PHF21B: variants seen among roughly 807,000 people sequenced by gnomAD.
PHF21B encodes the protein PHD finger protein 4.
A neutral mutation model predicts 62.2 loss-of-function variants in PHF21B; 22 were observed. The ratio of observed to expected loss-of-function variants is 0.35; its 90% CI spans 0.25 to 0.51. PHF21B has a LOEUF of 0.51. Ranked by LOEUF, PHF21B falls within the 20% of genes least tolerant of loss-of-function variation. PHF21B has a pLI of 0.97. For synonymous variants in PHF21B, 341 were observed against 314.7 expected, an observed-to-expected ratio of 1.08 and a Z score of -0.88; for missense variants, 701 against 707.9, an observed-to-expected ratio of 0.99 and a Z score of 0.11.
At chr22:44,888,360 GCAC>G in intron 9 of PHF21B, among the ~76,000 whole-genome samples, 1 of 152,212 alleles carries the variant, frequency 6.6e-6, no homozygotes, top group African/African-American at 2.4e-5. Context: ...AGGGGCTGGG[GCAC>G]TGAGCATTGG....
At chr22:44,952,888 T>C (rs1381017263) in intron 2 of PHF21B, among the ~76,000 whole-genome samples, 2 of 152,186 alleles carry the variant, frequency 1.3e-5, no homozygotes, top group Admixed American at 6.5e-5. Context: ...ATTCAGCCCC[T>C]GTGTCGGGCA....
chr22:44,920,511 A>G (rs781112571), intron 2 of PHF21B, 21 bp from the exon 3 acceptor site: 6 of 1,584,308 alleles, frequency 3.8e-6, no homozygotes, highest in Non-Finnish European at 4.3e-6. Flanking sequence ...CAGGAGGGCA[A>G]CGCTGAGACA....
chr22:44,902,760 T>C (rs1601582766), intron 5 of PHF21B, among the ~76,000 whole-genome samples: 2 of 152,236 alleles, frequency 1.3e-5, no homozygotes, highest in East Asian at 3.8e-4. Flanking sequence ...TCAATTTTTT[T>C]TTCCTAGTAT....
chr22:44,942,295 G>A (rs926180100), intron 2 of PHF21B, among the ~76,000 whole-genome samples: 1 of 152,198 alleles, frequency 6.6e-6, no homozygotes, highest in Non-Finnish European at 1.5e-5. Flanking sequence ...CTGGAGGGCA[G>A]CCGATGGGCT....
intron 2 of PHF21B, among the ~76,000 whole-genome samples, chr22:44,939,637 C>T (rs2071916991): frequency 1.3e-5 from 2 of 152,150 alleles, no homozygotes; most frequent in South Asian, 2.1e-4. Context: ...GACACCCAGC[C>T]CGTCCTGTCC....
chr22:44,923,328 T>C (rs1320653366), intron 2 of PHF21B, among the ~76,000 whole-genome samples: 1 of 98,072 alleles, frequency 1.0e-5, no homozygotes, highest in Non-Finnish European at 2.0e-5. Flanking sequence ...CCACATACCA[T>C]ATCAAAAAAA....
At chr22:44,893,706 G>A (rs1475158779) in intron 6 of PHF21B, among the ~76,000 whole-genome samples, 173 bp from the exon 7 acceptor site, 1 of 152,228 alleles carries the variant, frequency 6.6e-6, no homozygotes, top group African/African-American at 2.4e-5. Flanking sequence ...AGGAATCACT[G>A]ACTCCATGGC....
chr22:44,928,290 C>CT (rs1255597044), intron 2 of PHF21B, among the ~76,000 whole-genome samples: 1 of 152,180 alleles, frequency 6.6e-6, no homozygotes, highest in Non-Finnish European at 1.5e-5. Context: ...AGGCCACAGT[C>CT]TAACTCCCTG....
At chr22:44,942,183 C>T (rs963791947) in intron 2 of PHF21B, among the ~76,000 whole-genome samples, 1 of 152,164 alleles carries the variant, frequency 6.6e-6, no homozygotes, top group Admixed American at 6.5e-5. Flanking sequence ...CAGCCAGACT[C>T]GGGACAGGAG....
chr22:44,953,766 AAAT>A (rs1419860217), intron 2 of PHF21B, among the ~76,000 whole-genome samples: 1 of 152,254 alleles, frequency 6.6e-6, no homozygotes, highest in African/African-American at 2.4e-5. Context: ...ATGGCTTATA[AAAT>A]AATACCTAAC....
chr22:44,887,967 T>A lies in PHF21B; in HGVS notation c.1193A>T (p.Gln398Leu). 1 of 1,526,126 alleles carries A rather than the reference T, an allele frequency of 6.6e-7. No homozygotes were observed. The highest frequency in any genetic ancestry group is 1.3e-5 in the South Asian group (1 of 77,374). 94.5% of individuals were successfully genotyped at this position (1,526,126 alleles called of 1,614,324 possible). The change falls in exon 10 of 13, where the codon CAG (glutamine) becomes CTG (leucine). Residue 398 changes from glutamine to leucine, a missense_variant. Physicochemically the swap from Gln to Leu is moderately radical, Grantham distance 113 (BLOSUM62 -2). Transcript: ENST00000313237. The stretch of plus-strand genomic sequence containing the variant: ...GGGTCACACAGCCTCCTGTACCTTC[T>A]GCTGGCACCTGGGGCACACCCACAC... ...KGVWVCPRCQ[Q>L]KALKKDEGVP...
intron 2 of PHF21B, among the ~76,000 whole-genome samples, chr22:44,970,082 C>A (rs530101153): frequency 1.3e-5 from 2 of 152,348 alleles, no homozygotes; most frequent in African/African-American, 4.8e-5. Context: ...CTCGGGGAAG[C>A]CAGAGCCCAG....
intron 2 of PHF21B, among the ~76,000 whole-genome samples, chr22:44,982,646 G>T (rs980070674): frequency 6.6e-6 from 1 of 152,182 alleles, no homozygotes; most frequent in African/African-American, 2.4e-5. Flanking sequence ...CTCAACTCCC[G>T]TCAAATGAGG....
chr22:44,945,985 C>G (rs1003039799), intron 2 of PHF21B, among the ~76,000 whole-genome samples: 1 of 152,198 alleles, frequency 6.6e-6, no homozygotes, highest in African/African-American at 2.4e-5. Flanking sequence ...AAGTCACCCA[C>G]TTACTCCCCA....
intron 2 of PHF21B, among the ~76,000 whole-genome samples, chr22:44,951,286 C>G (rs779485683): frequency 6.6e-6 from 1 of 152,170 alleles, no homozygotes. Flanking sequence ...GAGTGCACAG[C>G]CTAGATCCCT....
chr22:44,999,919 T>C (rs1219575695), intron 2 of PHF21B, among the ~76,000 whole-genome samples: 1 of 152,158 alleles, frequency 6.6e-6, no homozygotes, highest in African/African-American at 2.4e-5. Flanking sequence ...GAGAACTTCC[T>C]GTGGGCCCAG....
intron 2 of PHF21B, among the ~76,000 whole-genome samples, chr22:44,957,011 C>G (rs944895471): frequency 1.1e-4 from 17 of 152,212 alleles, no homozygotes; most frequent in African/African-American, 3.9e-4. Flanking sequence ...TCGTCCCAGC[C>G]CTCCTGCTGG....
intron 5 of PHF21B, among the ~76,000 whole-genome samples, chr22:44,896,605 G>A (rs1251623016): frequency 6.6e-6 from 1 of 152,136 alleles, no homozygotes; most frequent in Non-Finnish European, 1.5e-5. Context: ...GTCCTTTCAT[G>A]GCTGTCCTTC....
intron 2 of PHF21B, among the ~76,000 whole-genome samples, chr22:44,965,841 A>G (rs2072515181): frequency 6.6e-6 from 1 of 152,114 alleles, no homozygotes; most frequent in Admixed American, 6.5e-5. Flanking sequence ...ATGTATCACA[A>G]GGACCCTCAG....
Sources: gnomAD v4.1 joint callset for allele counts (sites outside exome capture counted in the v4.1 genomes callset) on GRCh38, gnomAD v4.1.1 for gene constraint, MANE v1.5 for transcripts, NCBI Gene and HGNC (gene_info 2026-07-23, HGNC 2026-07-21) for gene names.